ABCD2: variants seen among roughly 807,000 people sequenced by gnomAD.
ABCD2 encodes ATP-binding cassette sub-family D member 2.
A neutral mutation model predicts 70.9 loss-of-function variants in ABCD2; 36 were observed. The observed-to-expected ratio is 0.51, with a 90% CI of 0.39 to 0.67. The LOEUF is 0.67. ABCD2 is among the 30% of genes least tolerant of loss of function. ABCD2 has a pLI of 0.00. For missense variants in ABCD2, 729 were observed against 890.2 expected (o/e 0.82, Z 2.30); for synonymous variants, 304 against 306.9 (o/e 0.99, Z 0.10).
At chr12:39,583,170 T>C (rs1483637819) in intron 7 of ABCD2, among the ~76,000 whole-genome samples, 1 of 152,186 alleles carries the variant, frequency 6.6e-6, no homozygotes, top group Non-Finnish European at 1.5e-5. Context: ...AGCTACTAAT[T>C]CTTGTGTACT....
downstream of ABCD2, among the ~76,000 whole-genome samples, chr12:39,546,130 T>G (rs74088722): frequency 2.2e-4 from 34 of 152,256 alleles, no homozygotes; most frequent in South Asian, 7.0e-3. Context: ...ATGCCTAATT[T>G]TTCTGTTCAG....
At chr12:39,558,329 C>T (rs772112533) in intron 9 of ABCD2, among the ~76,000 whole-genome samples, 4 of 152,066 alleles carry the variant, frequency 2.6e-5, no homozygotes, top group Non-Finnish European at 2.9e-5. Context: ...GACTTGGACT[C>T]TTGGGTTAAT....
Position 39,600,671 on chromosome 12 carries a change from C to T in ABCD2, c.1546G>A (p.Gly516Arg). Residue 516 changes from glycine (G) to arginine (R), a missense_variant, in exon 6 of 10, where the codon GGG becomes AGG. Gly to Arg is a moderately radical substitution (Grantham distance 125). Coordinates refer to ENST00000308666, the MANE Select transcript of ABCD2 (RefSeq NM_005164.4). ...AGAATTCTGAAGAGAGAACTTTTCC[C>T]ACAACCATTGGGACCAGTTATCAAA... ...HLLITGPNGCGKSSLFRILSG... is the reference protein window; with the variant it reads ...HLLITGPNGCRKSSLFRILSG... The T allele has an allele frequency of 2.5e-6, 4 of 1,612,432 alleles. No homozygotes were observed. The highest frequency in any genetic ancestry group is 1.1e-5 in the South Asian group (1 of 90,678).
intron 7 of ABCD2, among the ~76,000 whole-genome samples, chr12:39,583,424 C>G (rs1941624218): frequency 6.6e-6 from 1 of 152,048 alleles, no homozygotes; most frequent in Non-Finnish European, 1.5e-5. Context: ...AACTTGGTGT[C>G]TCATTTGTTA....
chr12:39,610,033 GC>G (rs2120759207), intron 2 of ABCD2, among the ~76,000 whole-genome samples: 1 of 152,276 alleles, frequency 6.6e-6, no homozygotes, highest in Non-Finnish European at 1.5e-5. Flanking sequence ...ATTACTTGCT[GC>G]AAGAGACAGA....
At position 39,586,388 on chromosome 12, in the gene ABCD2, G is replaced by A. The variant is rs960766215; in HGVS notation, c.1647-91C>T. 2.9e-5 allele frequency: 37 copies of A among 1,267,070 alleles called. No homozygotes were observed. In the African/African-American group the frequency reaches 5.3e-4, roughly 18 times the overall value. The allele number at this position is 1,267,070 out of a possible 1,614,324, so 78.5% of individuals were successfully genotyped here. Reference sequence around the variant, plus strand: ...TTGGTAGTCTGAAAACATCAGTGAAGACTTTAAACACTACATTTCCAGGAT... The same window carrying A: ...TTGGTAGTCTGAAAACATCAGTGAAAACTTTAAACACTACATTTCCAGGAT... On this transcript the variant is annotated intron_variant, in intron 6 of 9. Transcript: ENST00000308666.
At position 39,552,009 on chromosome 12, in the gene ABCD2, T is replaced by C. The variant is rs996007044; in HGVS notation, c.*1903A>G. The C allele has an allele frequency of 4.0e-5, 6 of 151,808 alleles. No individual in the cohort carries two copies. The highest frequency in any genetic ancestry group is 1.4e-4 in the African/African-American group (6 of 41,402). 9.4% of individuals were successfully genotyped at this position (151,808 alleles called of 1,614,324 possible). A position where few individuals can be genotyped will look rare whatever the true frequency, so the allele number is the denominator to read the frequency against. On this transcript the variant is annotated 3_prime_UTR_variant, in exon 10 of 10. Coordinates refer to ENST00000308666, the MANE Select transcript of ABCD2 (RefSeq NM_005164.4). The stretch of plus-strand genomic sequence containing the variant: ...TAATCACTTATGTAGAAAAGATTAA[T>C]GAATAATTTTTAGCAAGTTTAAGTT...
At position 39,602,078 on chromosome 12, in the gene ABCD2, T is replaced by C. The variant is rs866327501; in HGVS notation, c.1501-1362A>G. Among the ~76,000 whole-genome samples, 14 of 151,608 alleles carry C rather than the reference T, an allele frequency of 9.2e-5. No individual in the cohort carries two copies. In the South Asian group the frequency reaches 2.5e-3, roughly 27 times the overall value. On this transcript the variant is annotated intron_variant, in intron 5 of 9. Transcript: ENST00000308666. ...GGTCTCTGATGCTTAGAATTCTTTT[T>C]GTCTCACACTAACTTTTCTTCTGCA...
At chr12:39,548,769 T>C (rs1024262814), downstream of ABCD2, among the ~76,000 whole-genome samples, 5 of 151,870 alleles carry the variant, frequency 3.3e-5, no homozygotes, top group African/African-American at 1.2e-4. Context: ...TATAGCCAAG[T>C]TAATATTATT....
intron 6 of ABCD2, among the ~76,000 whole-genome samples, chr12:39,598,896 A>G (rs1399477784): frequency 2.0e-5 from 3 of 152,214 alleles, no homozygotes. Flanking sequence ...AATAAATTCT[A>G]TGGTTTTTGC....
At chr12:39,540,595 C>T in the ABCD2 span, among the ~76,000 whole-genome samples, 1 of 152,166 alleles carries the variant, frequency 6.6e-6, no homozygotes, top group Non-Finnish European at 1.5e-5. Context: ...GAGAGTCTAG[C>T]ATTTTTTAAA....
chr12:39,558,982 A>G (rs1941211193), intron 9 of ABCD2, among the ~76,000 whole-genome samples: 1 of 152,202 alleles, frequency 6.6e-6, no homozygotes, highest in Non-Finnish European at 1.5e-5. Flanking sequence ...AGAAAAAAAT[A>G]TGTGAACTTG....
intron 5 of ABCD2, among the ~76,000 whole-genome samples, chr12:39,602,446 G>A (rs376779871): frequency 1.1e-4 from 16 of 151,976 alleles, no homozygotes; most frequent in East Asian, 3.9e-4. Context: ...GAGCCACCGC[G>A]CCCAGCCTGC....
rs1023375791 is a variant in ABCD2 at position 39,619,341 on chromosome 12, C to T, written c.275G>A (p.Arg92Gln). The change falls in exon 1 of 10, where the codon CGG becomes CAG. Residue 92 changes from arginine to glutamine, a missense_variant. Transcript: ENST00000308666. The part of the protein sequence containing the change: ...ADFFKQLLEL[R>Q]KILFPKLVTT... Reference sequence around the variant, plus strand: ...CACAAGTTTTGGAAACAAAATTTTCCGAAGTTCTAGTAGCTGTTTGAAGAA... The same window carrying T: ...CACAAGTTTTGGAAACAAAATTTTCTGAAGTTCTAGTAGCTGTTTGAAGAA... 7 of 1,613,828 alleles carry T rather than the reference C, an allele frequency of 4.3e-6. No individual in the cohort carries two copies. The highest frequency in any genetic ancestry group is 1.7e-5 in the Admixed American group (1 of 59,972).
chr12:39,614,630 T>C (rs917046120), intron 2 of ABCD2, among the ~76,000 whole-genome samples: 1 of 152,072 alleles, frequency 6.6e-6, no homozygotes, highest in Admixed American at 6.6e-5. Flanking sequence ...GGCATACGTG[T>C]AAACTATGAC....
intron 9 of ABCD2, among the ~76,000 whole-genome samples, chr12:39,566,418 G>C (rs1032101927): frequency 1.3e-5 from 2 of 152,212 alleles, no homozygotes; most frequent in Non-Finnish European, 2.9e-5. Flanking sequence ...TGTTTGCATA[G>C]AAGTGTTTAT....
At chr12:39,577,477 C>T (rs1941535298) in intron 8 of ABCD2, among the ~76,000 whole-genome samples, 1 of 152,054 alleles carries the variant, frequency 6.6e-6, no homozygotes, top group Admixed American at 6.6e-5. Flanking sequence ...AACCCAATTC[C>T]TTCAGCAAGT....
intron 6 of ABCD2, among the ~76,000 whole-genome samples, chr12:39,596,262 A>G (rs1941813378): frequency 6.6e-6 from 1 of 152,030 alleles, no homozygotes; most frequent in Admixed American, 6.5e-5. Context: ...ACACTGTTCT[A>G]TTTTTTCCTC....
Position 39,552,494 on chromosome 12 carries a change from T to C in ABCD2, c.*1418A>G, listed in dbSNP as rs972003017. 7.9e-5 allele frequency: 12 copies of C among 151,916 alleles called. No individual in the cohort carries two copies. Among genetic ancestry groups the C allele is most frequent in the African/African-American group, 2.9e-4 (12 of 41,438 alleles). The allele number at this position is 151,916 out of a possible 1,614,324, so 9.4% of individuals were successfully genotyped here. On this transcript the variant is annotated 3_prime_UTR_variant, in exon 10 of 10. Transcript: ENST00000308666. ...TCCAGTGCACACAAATAGAATAAAA[T>C]CTATTTCATATGACTAGTCCATATA...
Sources: gnomAD v4.1 joint callset for allele counts (sites outside exome capture counted in the v4.1 genomes callset) on GRCh38, gnomAD v4.1.1 for gene constraint, MANE v1.5 for transcripts, NCBI Gene and HGNC (gene_info 2026-07-23, HGNC 2026-07-21) for gene names.